MGAT4C: variants seen among roughly 807,000 people sequenced by gnomAD.
MGAT4C encodes the protein MGAT4 family member C.
In MGAT4C, 19 loss-of-function variants were observed where a neutral mutation model predicts 40.1. The ratio of observed to expected loss-of-function variants is 0.47; its 90% CI spans 0.33 to 0.70. The LOEUF is 0.70. Ranked by LOEUF, MGAT4C falls within the 30% of genes least tolerant of loss-of-function variation. The pLI is 0.02. For synonymous variants in MGAT4C, 181 were observed against 187.1 expected, an observed-to-expected ratio of 0.97 and a Z score of 0.27; for missense variants, 491 against 563.2, an observed-to-expected ratio of 0.87 and a Z score of 1.30.
At chr12:86,308,968 C>G (rs1476970405) in intron 4 of MGAT4C, among the ~76,000 whole-genome samples, 1 of 150,436 alleles carries the variant, frequency 6.6e-6, no homozygotes, top group Non-Finnish European at 1.5e-5. Flanking sequence ...TTTGAAGAGA[C>G]TATTTAGTGT....
intron 2 of MGAT4C, among the ~76,000 whole-genome samples, chr12:86,447,135 T>C (rs1957354221): frequency 6.6e-6 from 1 of 152,106 alleles, no homozygotes; most frequent in African/African-American, 2.4e-5. Flanking sequence ...TGTTTGTTTG[T>C]TTGTTTTGAG....
chr12:86,143,033 T>C (rs1172104766), intron 1 of MGAT4C, among the ~76,000 whole-genome samples: 1 of 152,156 alleles, frequency 6.6e-6, no homozygotes, highest in Non-Finnish European at 1.5e-5. Context: ...ACAGCGATTG[T>C]CTATGAGCCA....
chr12:86,664,277 C>A (rs890832407), intron 2 of MGAT4C, among the ~76,000 whole-genome samples: 1 of 151,878 alleles, frequency 6.6e-6, no homozygotes, highest in African/African-American at 2.4e-5. Flanking sequence ...CCCTTCCTTT[C>A]TTCTTCCTTA....
intron 2 of MGAT4C, among the ~76,000 whole-genome samples, chr12:86,608,929 T>C (rs1593039863): frequency 1.3e-5 from 2 of 152,270 alleles, no homozygotes; most frequent in East Asian, 1.9e-4. Context: ...TTTTGCATAC[T>C]GTTGTATGAG....
At chr12:86,307,205 T>C (rs746702243) in intron 4 of MGAT4C, among the ~76,000 whole-genome samples, 4 of 80,262 alleles carry the variant, frequency 5.0e-5, no homozygotes, top group Non-Finnish European at 9.0e-5. Flanking sequence ...TGTCTGTATT[T>C]ATTATAATAA....
chr12:86,516,168 A>AAAGT lies in MGAT4C; in HGVS notation c.-228-80904_-228-80903insACTT, dbSNP rs375739764. Among the ~76,000 whole-genome samples, 508 of 152,312 alleles carry AAAGT rather than the reference A, an allele frequency of 3.3e-3. 1 individual carries two copies. Among genetic ancestry groups the AAAGT allele is most frequent in the African/African-American group, 0.012 (491 of 41,570 alleles). On this transcript the variant is annotated intron_variant, in intron 2 of 7. Coordinates refer to the MGAT4C transcript ENST00000548651. ...AATATTCAAAACAATCTTGAAAATA[A>AAAGT]AAGATAGAAAAATTCATACTACATG...
Position 85,973,262 on chromosome 12 carries a change from TA to T in MGAT4C, c.*6026del, listed in dbSNP as rs1341574885. 6 of 150,956 alleles carry T rather than the reference TA, an allele frequency of 4.0e-5. No homozygotes were observed. The highest frequency in any genetic ancestry group is 1.5e-4 in the African/African-American group (6 of 41,336). 9.4% of individuals were successfully genotyped at this position (150,956 alleles called of 1,614,324 possible). A position where few individuals can be genotyped will look rare whatever the true frequency, so the allele number is the denominator to read the frequency against. On this transcript the variant is annotated 3_prime_UTR_variant, in exon 5 of 5. Transcript: ENST00000611864. ...ATATTTAAAATATTTTTGCAATAGT[TA>T]GCTTTCAATTATGAACACTCTCAGC...
chr12:86,436,701 A>C (rs1220697059), intron 2 of MGAT4C, among the ~76,000 whole-genome samples: 1 of 151,772 alleles, frequency 6.6e-6, no homozygotes, highest in East Asian at 1.9e-4. Context: ...AAAACAATGT[A>C]TCGAATATTT....
Position 85,969,013 on chromosome 12 carries a change from A to G in MGAT4C, c.*10276T>C, listed in dbSNP as rs1365109009. The G allele has an allele frequency of 1.3e-5, 2 of 151,866 alleles. No individual in the cohort carries two copies. Among genetic ancestry groups the G allele is most frequent in the Non-Finnish European group, 2.9e-5 (2 of 67,804 alleles). The allele number at this position is 151,866 out of a possible 1,614,324, so 9.4% of individuals were successfully genotyped here. Reference sequence around the variant, plus strand: ...ATACTTCATAGACTTGTAAGGATGTAATGTAGTGTTTCTAAAAGGAGTGAA... The same window carrying G: ...ATACTTCATAGACTTGTAAGGATGTGATGTAGTGTTTCTAAAAGGAGTGAA... On this transcript the variant is annotated 3_prime_UTR_variant, in exon 5 of 5. Coordinates refer to ENST00000611864, the MANE Select transcript of MGAT4C (RefSeq NM_001351288.2).
chr12:86,023,611 CAT>C lies in MGAT4C; in HGVS notation c.-7+26061_-7+26062del, dbSNP rs35076825. 5.4e-5 allele frequency among the ~76,000 whole-genome samples: 8 copies of C among 147,802 alleles called. No homozygotes were observed. In the South Asian group the frequency reaches 1.0e-3, roughly 19 times the overall value. On this transcript the variant is annotated intron_variant, in intron 2 of 4. Coordinates refer to ENST00000611864, the MANE Select transcript of MGAT4C (RefSeq NM_001351288.2). ...TATATTATATAAATACTTACGTAAT[CAT>C]ATGTTTATATTTTACAAATATTTAT...
rs560961891 is a variant in MGAT4C at position 86,401,780 on chromosome 12, T to A, written c.-120+33377A>T. ...ATATTATTGCACTTAGTTTTACTAG[T>A]TTCAAATATTTGCAACTAAAAAAAC... is the stretch of plus-strand genomic sequence containing the variant. On this transcript the variant is annotated intron_variant, in intron 3 of 7. Coordinates refer to the MGAT4C transcript ENST00000548651. Among the ~76,000 whole-genome samples the A allele has an allele frequency of 4.6e-5, 7 of 152,218 alleles. No homozygotes were observed. The East Asian group carries it at 7.8e-4, about 17-fold the overall frequency.
intron 2 of MGAT4C, among the ~76,000 whole-genome samples, chr12:86,672,971 A>G (rs957161688): frequency 2.6e-5 from 4 of 152,148 alleles, no homozygotes; most frequent in African/African-American, 9.7e-5. Flanking sequence ...CTTGGGGGAT[A>G]TATTAAAATA....
intron 2 of MGAT4C, among the ~76,000 whole-genome samples, chr12:86,716,603 T>C (rs535097095): frequency 6.6e-6 from 1 of 152,222 alleles, no homozygotes; most frequent in East Asian, 1.9e-4. Flanking sequence ...TATTAATAGT[T>C]TGCCAATTGA....
At chr12:86,074,727 A>G (rs1447710223) in intron 1 of MGAT4C, among the ~76,000 whole-genome samples, 1 of 152,188 alleles carries the variant, frequency 6.6e-6, no homozygotes, top group Admixed American at 6.5e-5. Flanking sequence ...CACAATCATT[A>G]CACAAGGTGA....
chr12:86,173,416 A>G (rs1887058518), intron 1 of MGAT4C, among the ~76,000 whole-genome samples: 1 of 152,144 alleles, frequency 6.6e-6, no homozygotes, highest in African/African-American at 2.4e-5. Context: ...AGGAATGCCC[A>G]TAATAGAACA....
At chr12:86,546,355 T>C (rs1020768887) in intron 2 of MGAT4C, among the ~76,000 whole-genome samples, 8 of 151,596 alleles carry the variant, frequency 5.3e-5, no homozygotes, top group African/African-American at 1.2e-4. Flanking sequence ...TTATTCTATA[T>C]ACTAAATAGC....
chr12:86,191,632 A>AACACACACACACAC (rs61626246), intron 1 of MGAT4C, among the ~76,000 whole-genome samples: 9 of 121,920 alleles, frequency 7.4e-5, no homozygotes, highest in African/African-American at 2.6e-4. Flanking sequence ...CAAAAAACAA[A>AACACACACACACAC]ACACACACAC....
At chr12:86,258,334 T>TCTAC (rs1385548133), upstream of MGAT4C, among the ~76,000 whole-genome samples, 2 of 146,882 alleles carry the variant, frequency 1.4e-5, no homozygotes, top group Non-Finnish European at 3.0e-5. Context: ...TATCTATCTA[T>TCTAC]CTACATTCAG....
chr12:86,694,854 G>T (rs1345916217), intron 2 of MGAT4C, among the ~76,000 whole-genome samples: 1 of 152,080 alleles, frequency 6.6e-6, no homozygotes, highest in Admixed American at 6.6e-5. Context: ...ACATTGGTCT[G>T]GGCAAAAAAT....
Sources: allele counts gnomAD v4.1 joint callset (sites outside exome capture counted in the v4.1 genomes callset), GRCh38; gene constraint gnomAD v4.1.1; transcripts MANE v1.5; gene names NCBI Gene and HGNC (gene_info 2026-07-23, HGNC 2026-07-21).